Variants in SENP6 observed in about 807,000 individuals in gnomAD.
The protein encoded by SENP6 is sentrin-specific protease 6.
Under a neutral mutation model 134.5 loss-of-function variants are expected in SENP6, and 41 were observed. The ratio of observed to expected loss-of-function variants is 0.30; its 90% CI spans 0.24 to 0.40. The LOEUF (loss-of-function observed/expected upper bound fraction) is 0.40. SENP6 is among the 10% of genes least tolerant of loss of function. The pLI is 1.00. For missense variants in SENP6, 1,248 were observed against 1,312.5 expected, an observed-to-expected ratio of 0.95 and a Z score of 0.76; for synonymous variants, 395 against 429.8, an observed-to-expected ratio of 0.92 and a Z score of 1.00.
intron 6 of SENP6, among the ~76,000 whole-genome samples, chr6:75,645,767 C>G (rs1244351630): frequency 8.0e-6 from 1 of 124,536 alleles, no homozygotes; most frequent in Non-Finnish European, 1.8e-5. Context: ...ATTTAAGATA[C>G]TCTGTTTCTT....
At chr6:75,659,241 A>AT (rs1285959200) in intron 7 of SENP6, 21 bp from the exon 8 acceptor site, 5 of 1,564,280 alleles carry the variant, frequency 3.2e-6, no homozygotes, top group Admixed American at 2.1e-5. Context: ...CTTAAAGTTT[A>AT]TTTTTTTCTC....
chr6:75,713,128 AT>A (rs1775849403), intron 21 of SENP6, among the ~76,000 whole-genome samples: 1 of 151,774 alleles, frequency 6.6e-6, no homozygotes, highest in Non-Finnish European at 1.5e-5. Flanking sequence ...TGGGGGGATT[AT>A]TTTCTTTATA....
At position 75,613,062 on chromosome 6, in the gene SENP6, C is replaced by T. The variant is rs547276168; in HGVS notation, c.53-8470C>T. Among the ~76,000 whole-genome samples the T allele has an allele frequency of 4.0e-5, 6 of 151,468 alleles. No individual in the cohort carries two copies. In the South Asian group the frequency reaches 1.3e-3, roughly 32 times the overall value. ...CCAGGAGGCAGAGGTTGCAGTGAGC[C>T]GAGATTGTGCCACTGCACTCCAGCC... On this transcript the variant is annotated intron_variant, in intron 1 of 23. Transcript: ENST00000447266.
chr6:75,634,583 A>G, intron 4 of SENP6, 124 bp from the exon 5 acceptor site: 1 of 542,584 alleles, frequency 1.8e-6, no homozygotes, highest in East Asian at 3.3e-5. Context: ...GGGTTTATCC[A>G]TAAATTTTTT....
chr6:75,633,937 C>T (rs577297252), intron 4 of SENP6, among the ~76,000 whole-genome samples: 53 of 152,238 alleles, frequency 3.5e-4, no homozygotes, highest in African/African-American at 1.2e-3. Flanking sequence ...TAAAACATTG[C>T]AAGAAATACT....
intron 7 of SENP6, among the ~76,000 whole-genome samples, chr6:75,658,122 CAG>C (rs914998393): frequency 2.5e-4 from 38 of 151,896 alleles, no homozygotes; most frequent in African/African-American, 8.0e-4. Context: ...TTGGAGAAGA[CAG>C]AGTGAACTTA....
intron 1 of SENP6, among the ~76,000 whole-genome samples, chr6:75,609,242 T>TA (rs1767260833): frequency 1.3e-5 from 2 of 152,184 alleles, no homozygotes; most frequent in African/African-American, 4.8e-5. Context: ...TTCTTACTCT[T>TA]ACCTCTTTTT....
chr6:75,629,026 C>T (rs1768911757), intron 3 of SENP6, among the ~76,000 whole-genome samples: 1 of 152,138 alleles, frequency 6.6e-6, no homozygotes. Flanking sequence ...TGCCTGGCCA[C>T]AGTTCTTTCC....
intron 1 of SENP6, among the ~76,000 whole-genome samples, chr6:75,602,867 A>G (rs1038139047): frequency 6.6e-6 from 1 of 152,188 alleles, no homozygotes; most frequent in Non-Finnish European, 1.5e-5. Context: ...TTGACATTTA[A>G]AAAATTTTGG....
Position 75,679,139 on chromosome 6 carries a change from A to G in SENP6, c.2075+212A>G, listed in dbSNP as rs1582841365. On this transcript the variant is annotated intron_variant, in intron 16 of 23. Coordinates refer to ENST00000447266, the MANE Select transcript of SENP6 (RefSeq NM_015571.4). Reference sequence around the variant, plus strand: ...AAGTTGTGAAAATTGGGCCAGGGAGATATCTGGCTTATGTCTATAATCCTG... The same window carrying G: ...AAGTTGTGAAAATTGGGCCAGGGAGGTATCTGGCTTATGTCTATAATCCTG... 3 of 433,444 alleles carry G rather than the reference A, an allele frequency of 6.9e-6. No individual in the cohort carries two copies. The East Asian group carries it at 1.4e-4, about 21-fold the overall frequency. 26.8% of individuals were successfully genotyped at this position (433,444 alleles called of 1,614,324 possible). A position where few individuals can be genotyped will look rare whatever the true frequency, so the allele number is the denominator to read the frequency against.
At chr6:75,677,386 A>T (rs11752694) in intron 14 of SENP6, 130 bp downstream of exon 14, 232,073 of 733,302 alleles carry the variant, frequency 0.32, 40,373 homozygotes, top group Non-Finnish European at 0.37. Context: ...ACTTACTTTT[A>T]TGTGTGATTT....
At chr6:75,625,027 A>G (rs1023487918) in intron 3 of SENP6, among the ~76,000 whole-genome samples, 2 of 151,520 alleles carry the variant, frequency 1.3e-5, no homozygotes, top group Admixed American at 6.6e-5. Context: ...TAATAATGTT[A>G]TAGGTTTGAT....
chr6:75,621,546 G>A lies in SENP6; in HGVS notation c.67G>A (p.Glu23Lys), dbSNP rs777831873. 4.4e-6 allele frequency: 7 copies of A among 1,608,140 alleles called. No individual in the cohort carries two copies. Among genetic ancestry groups the A allele is most frequent in the Admixed American group, 1.7e-5 (1 of 59,754 alleles). ...ITFLEALARS[E>K]SKRDGGFKNN... The stretch of plus-strand genomic sequence containing the variant: ...TTTTATTTCAGCTTTGGCTAGATCA[G>A]AGTCTAAGAGAGATGGAGGTTTTAA... Residue 23 changes from glutamate (E) to lysine (K), a missense_variant, in exon 2 of 24, where the codon GAG becomes AAG. Around this residue, in one of 3 missense-constraint regions of SENP6, gnomAD observed 733 missense variants for 725.4 expected, o/e 1.01. Transcript: ENST00000447266.
intron 1 of SENP6, among the ~76,000 whole-genome samples, chr6:75,608,583 C>T (rs974352204): frequency 2.0e-5 from 3 of 152,102 alleles, no homozygotes; most frequent in Admixed American, 1.3e-4. Context: ...AAGTGATTTT[C>T]GCTAGAAATG....
intron 23 of SENP6, among the ~76,000 whole-genome samples, 200 bp from the exon 24 acceptor site, chr6:75,715,185 C>T (rs1775961759): frequency 6.6e-6 from 1 of 152,142 alleles, no homozygotes; most frequent in African/African-American, 2.4e-5. Context: ...AAACCCTGAT[C>T]TAGACTATAA....
intron 18 of SENP6, among the ~76,000 whole-genome samples, chr6:75,701,034 T>G (rs1774989928): frequency 6.6e-6 from 1 of 152,168 alleles, no homozygotes; most frequent in Non-Finnish European, 1.5e-5. Flanking sequence ...TGACAGCCAT[T>G]TCTACTGGAT....
intron 18 of SENP6, among the ~76,000 whole-genome samples, chr6:75,699,975 A>G (rs1006229305): frequency 7.2e-5 from 11 of 152,046 alleles, no homozygotes; most frequent in African/African-American, 2.7e-4. Flanking sequence ...CAGTGGTGCA[A>G]TCATAGCTCA....
chr6:75,693,668 C>T (rs1163432540), intron 16 of SENP6, among the ~76,000 whole-genome samples: 1 of 152,128 alleles, frequency 6.6e-6, no homozygotes, highest in African/African-American at 2.4e-5. Context: ...TTCATTGAAA[C>T]TTGAGCTTTG....
chr6:75,654,880 A>G (rs890913811), intron 7 of SENP6: 20 of 152,220 alleles, frequency 1.3e-4, no homozygotes, highest in Non-Finnish European at 1.9e-4. Flanking sequence ...GTAGATAGAT[A>G]TAATTAACAC....
Sources: gnomAD v4.1 joint callset for allele counts (sites outside exome capture counted in the v4.1 genomes callset) on GRCh38, gnomAD v4.1.1 for gene constraint, gnomAD v4.1.1 regional missense constraint, MANE v1.5 for transcripts, NCBI Gene and HGNC (gene_info 2026-07-23, HGNC 2026-07-21) for gene names.